The following TAB2 variants were observed in gnomAD, a reference collection of about 807,000 sequenced individuals.
The protein encoded by TAB2 is TGF-beta-activated kinase 1 and MAP3K7-binding protein 2.
TAB2 carries 3 observed loss-of-function variants against 65.0 expected under a neutral mutation model. The ratio of observed to expected loss-of-function variants is 0.05; its 90% CI spans 0.02 to 0.12. The LOEUF is 0.12. TAB2 is among the 10% of genes least tolerant of loss of function. The pLI, the probability that TAB2 is intolerant of heterozygous loss-of-function variation, is 1.00. For synonymous variants in TAB2, 298 were observed against 285.1 expected (o/e 1.05, Z -0.46); for missense variants, 623 against 840.3 (o/e 0.74, Z 3.20).
At chr6:149,375,806 T>C (rs1048680156) in intron 2 of TAB2, among the ~76,000 whole-genome samples, 3 of 152,182 alleles carry the variant, frequency 2.0e-5, no homozygotes, top group African/African-American at 7.2e-5. Context: ...GAAAAATTAG[T>C]ATGTATCAAT....
At chr6:149,401,441 T>G (rs1448649048) in intron 6 of TAB2, 1 of 153,592 alleles carries the variant, frequency 6.5e-6, no homozygotes, top group African/African-American at 2.4e-5. Context: ...CAATAGATTT[T>G]TAAGTCTAAA....
chr6:149,273,241 G>A (rs750828213), intron 1 of TAB2, among the ~76,000 whole-genome samples: 9 of 152,184 alleles, frequency 5.9e-5, no homozygotes, highest in Non-Finnish European at 1.3e-4. Context: ...GAAAAGTCAA[G>A]AATGGCATCC....
chr6:149,328,942 G>A (rs1249814418), intron 1 of TAB2, among the ~76,000 whole-genome samples: 1 of 152,146 alleles, frequency 6.6e-6, no homozygotes, highest in Admixed American at 6.5e-5. Context: ...ACAGGCTGCA[G>A]ATAGGTCTTT....
At chr6:149,267,080 T>C (rs1422201143) in intron 1 of TAB2, among the ~76,000 whole-genome samples, 1 of 151,958 alleles carries the variant, frequency 6.6e-6, no homozygotes, top group Admixed American at 6.6e-5. Flanking sequence ...GGAATAAAAA[T>C]GAATGAAGGC....
chr6:149,379,078 A>C lies in TAB2; in HGVS notation c.1163A>C (p.Tyr388Ser). The change falls in exon 3 of 7, where the codon TAT (tyrosine) becomes TCT (serine). Residue 388 changes from tyrosine to serine, a missense_variant. Tyr to Ser is a moderately radical substitution (Grantham distance 144). Coordinates refer to ENST00000637181, the MANE Select transcript of TAB2 (RefSeq NM_001292034.3). ...ATGTCCCGTAGTCAACCTAAGGTCTATATTTCAGCGAATGCTGCCACAGGA... is the reference window on the plus strand; with the variant it reads ...ATGTCCCGTAGTCAACCTAAGGTCTCTATTTCAGCGAATGCTGCCACAGGA... ...ELMSRSQPKV[Y>S]ISANAATGDE... is the part of the protein sequence containing the mutation. The C allele has an allele frequency of 6.2e-7, 1 of 1,614,208 alleles. No individual in the cohort carries two copies. The highest frequency in any genetic ancestry group is 1.7e-5 in the Admixed American group (1 of 60,032).
At chr6:149,283,421 CAAG>C (rs1299665943) in intron 1 of TAB2, among the ~76,000 whole-genome samples, 1 of 152,058 alleles carries the variant, frequency 6.6e-6, no homozygotes, top group Non-Finnish European at 1.5e-5. Flanking sequence ...GAAGAAACTA[CAAG>C]AAGGGCCAGG....
At position 149,339,593 on chromosome 6, in the gene TAB2, A is replaced by ATTTTTTTT. The variant is rs1562422713; in HGVS notation, c.-90+21581_-90+21582insTTTTTTTT. Among the ~76,000 whole-genome samples, 3 of 15,442 alleles carry ATTTTTTTT rather than the reference A, an allele frequency of 1.9e-4. 1 individual carries two copies. The highest frequency in any genetic ancestry group is 1.4e-3 in the Admixed American group (1 of 698). 10.1% of individuals were successfully genotyped at this position (15,442 alleles called of 152,430 possible). ...GCCCAATAATTAATCTTTTTTATTT[A>ATTTTTTTT]TTTATTTATTTATTTTTTTTTTTTT... On this transcript the variant is annotated intron_variant, in intron 1 of 6. Transcript: ENST00000637181.
At chr6:149,229,860 G>C (rs1341798988) in intron 1 of TAB2, 2 of 152,214 alleles carry the variant, frequency 1.3e-5, no homozygotes, top group Non-Finnish European at 2.9e-5. Context: ...TGTCGAGTTG[G>C]TTTATTTGTT....
At chr6:149,265,748 C>A (rs9498274) in intron 1 of TAB2, among the ~76,000 whole-genome samples, 1 of 152,180 alleles carries the variant, frequency 6.6e-6, no homozygotes, top group Non-Finnish European at 1.5e-5. Context: ...CACGCGCGAG[C>A]CTGCCTTGGT....
At chr6:149,334,554 G>C (rs1361897504) in intron 1 of TAB2, among the ~76,000 whole-genome samples, 1 of 152,042 alleles carries the variant, frequency 6.6e-6, no homozygotes, top group Non-Finnish European at 1.5e-5. Flanking sequence ...AAGTGCACCT[G>C]TAGTCCTGCC....
chr6:149,284,694 A>ACACACACACACAC, intron 1 of TAB2, among the ~76,000 whole-genome samples: 1 of 147,246 alleles, frequency 6.8e-6, no homozygotes, highest in African/African-American at 2.5e-5. Flanking sequence ...ACACACACAC[A>ACACACACACACAC]AGAATATAAA....
At chr6:149,257,148 A>G (rs560325335) in intron 1 of TAB2, among the ~76,000 whole-genome samples, 2 of 152,346 alleles carry the variant, frequency 1.3e-5, no homozygotes, top group South Asian at 4.1e-4. Flanking sequence ...CTTCCTTTCA[A>G]CAGACATTGT....
intron 6 of TAB2, among the ~76,000 whole-genome samples, chr6:149,405,498 A>G (rs942136326): frequency 2.6e-5 from 4 of 152,244 alleles, no homozygotes; most frequent in African/African-American, 9.6e-5. Context: ...TATGAAAACA[A>G]CATAAATTTC....
At chr6:149,348,383 T>A (rs1780370875) in intron 1 of TAB2, among the ~76,000 whole-genome samples, 1 of 150,510 alleles carries the variant, frequency 6.6e-6, no homozygotes, top group Non-Finnish European at 1.5e-5. Flanking sequence ...AACAAGACCC[T>A]GTCTCAGAAA....
chr6:149,279,475 G>A (rs530089667), intron 1 of TAB2, among the ~76,000 whole-genome samples: 2 of 152,208 alleles, frequency 1.3e-5, no homozygotes, highest in Admixed American at 1.3e-4. Context: ...AGTGACTGGG[G>A]GTGATTTCTA....
upstream of TAB2, among the ~76,000 whole-genome samples, chr6:149,313,586 G>T (rs1779201048): frequency 6.6e-6 from 1 of 152,096 alleles, no homozygotes; most frequent in African/African-American, 2.4e-5. Flanking sequence ...TCACCTGCTG[G>T]TCATATCCAG....
intron 1 of TAB2, among the ~76,000 whole-genome samples, chr6:149,232,609 C>A (rs1777426534): frequency 6.6e-6 from 1 of 152,110 alleles, no homozygotes; most frequent in Admixed American, 6.6e-5. Flanking sequence ...GACAGGAATA[C>A]CACTAAGGGA....
chr6:149,370,495 C>T (rs1167692774), intron 2 of TAB2, among the ~76,000 whole-genome samples: 1 of 151,950 alleles, frequency 6.6e-6, no homozygotes, highest in Non-Finnish European at 1.5e-5. Context: ...ATGGGCACCC[C>T]AAGCATATCT....
intron 1 of TAB2, among the ~76,000 whole-genome samples, chr6:149,362,797 T>C (rs751513725): frequency 6.6e-6 from 1 of 152,134 alleles, no homozygotes; most frequent in African/African-American, 2.4e-5. Context: ...TTTTGAGGTG[T>C]TGTTTTGTTT....
Sources: allele counts gnomAD v4.1 joint callset (sites outside exome capture counted in the v4.1 genomes callset), GRCh38; gene constraint gnomAD v4.1.1; transcripts MANE v1.5; gene names NCBI Gene and HGNC (gene_info 2026-07-23, HGNC 2026-07-21).